The following NUDT3 variants were observed in gnomAD, a reference collection of about 807,000 sequenced individuals.
NUDT3 encodes diphosphoinositol polyphosphate phosphohydrolase 1.
In NUDT3, 9 loss-of-function variants were observed where a neutral mutation model predicts 23.6. That is an observed-to-expected ratio of 0.38 (90% confidence interval 0.23 to 0.66). The LOEUF is 0.66. Among genes scored for constraint, NUDT3 ranks in the 30% least tolerant of loss-of-function variants. NUDT3 has a pLI of 0.52. For synonymous variants in NUDT3, 86 were observed against 82.6 expected, an observed-to-expected ratio of 1.04 and a Z score of -0.22; for missense variants, 172 against 218.5, an observed-to-expected ratio of 0.79 and a Z score of 1.34.
intron 1 of NUDT3, among the ~76,000 whole-genome samples, chr6:34,369,393 C>T (rs1343186340): frequency 6.6e-6 from 1 of 152,148 alleles, no homozygotes; most frequent in African/African-American, 2.4e-5. Context: ...ATGAAATAAA[C>T]CAGTAGTTTT....
chr6:34,290,401 C>CTTT (rs952499361), intron 4 of NUDT3, among the ~76,000 whole-genome samples: 44 of 107,230 alleles, frequency 4.1e-4, no homozygotes, highest in South Asian at 6.7e-4. Context: ...GCTGCTGCTT[C>CTTT]TTTTTTTTTT....
chr6:34,336,469 C>T (rs943938100), intron 2 of NUDT3, among the ~76,000 whole-genome samples: 2 of 151,930 alleles, frequency 1.3e-5, no homozygotes, highest in Non-Finnish European at 2.9e-5. Flanking sequence ...GAATAGTAAT[C>T]CCTTGTTGAA....
rs981886086 is a variant in NUDT3, at chr6:34,283,210, T to A, written c.*5543A>T. On this transcript the variant is annotated 3_prime_UTR_variant, in exon 5 of 5. Transcript: ENST00000607016. ...GGATTCCCTTCCCTTTTCTTTTTTT[T>A]TTTTTTTTTTTTGAGACGGAGTCTT... 2 of 149,214 alleles carry A rather than the reference T, an allele frequency of 1.3e-5. No homozygotes were observed. The highest frequency in any genetic ancestry group is 3.0e-5 in the Non-Finnish European group (2 of 67,356). The allele number at this position is 149,214 out of a possible 1,614,324, so 9.2% of individuals were successfully genotyped here. A position where few individuals can be genotyped will look rare whatever the true frequency, so the allele number is the denominator to read the frequency against.
chr6:34,281,817 A>G lies in NUDT3; in HGVS notation c.*6936T>C, dbSNP rs1243529509. The G allele has an allele frequency of 6.6e-6, 1 of 152,214 alleles. No homozygotes were observed. Among genetic ancestry groups the G allele is most frequent in the African/African-American group, 2.4e-5 (1 of 41,454 alleles). 9.4% of individuals were successfully genotyped at this position (152,214 alleles called of 1,614,324 possible). A position where few individuals can be genotyped will look rare whatever the true frequency, so the allele number is the denominator to read the frequency against. ...AGAGTCCTCTTAGAAAATTCTGAGC[A>G]AACATGCTCCCAGTCACGAGGGATG... On this transcript the variant is annotated 3_prime_UTR_variant, in exon 5 of 5. Transcript: ENST00000607016.
chr6:34,368,916 G>C (rs933844771), intron 1 of NUDT3, among the ~76,000 whole-genome samples: 2 of 152,178 alleles, frequency 1.3e-5, no homozygotes, highest in Non-Finnish European at 2.9e-5. Flanking sequence ...GGGATTACAG[G>C]AGTGAGCCAC....
At chr6:34,324,857 GA>G (rs1234792971) in intron 2 of NUDT3, among the ~76,000 whole-genome samples, 1 of 150,324 alleles carries the variant, frequency 6.7e-6, no homozygotes, top group Non-Finnish European at 1.5e-5. Flanking sequence ...ACGCTTCTCT[GA>G]AAAGAGAGAG....
At position 34,341,730 on chromosome 6, in the gene NUDT3, G is replaced by A. The variant is rs577799618; in HGVS notation, c.210+132C>T. 13 of 678,300 alleles carry A rather than the reference G, an allele frequency of 1.9e-5. 1 individual carries two copies. In the South Asian group the frequency reaches 2.3e-4, roughly 12 times the overall value. The allele number at this position is 678,300 out of a possible 1,614,324, so 42.0% of individuals were successfully genotyped here. A position where few individuals can be genotyped will look rare whatever the true frequency, so the allele number is the denominator to read the frequency against. Reference sequence around the variant, plus strand: ...ATCACCCGGTAATAAAGGAGGGACCGGATAACCATTCATTGCCCTTTTTCT... The same window carrying A: ...ATCACCCGGTAATAAAGGAGGGACCAGATAACCATTCATTGCCCTTTTTCT... On this transcript the variant is annotated intron_variant, in intron 2 of 4. Transcript: ENST00000607016.
chr6:34,294,888 A>C (rs1480177665), intron 3 of NUDT3, among the ~76,000 whole-genome samples: 3 of 152,128 alleles, frequency 2.0e-5, no homozygotes, highest in Non-Finnish European at 4.4e-5. Context: ...CAGCTTCCCA[A>C]AACGCTGGGA....
chr6:34,363,822 G>C (rs557806307), intron 1 of NUDT3, among the ~76,000 whole-genome samples: 11 of 151,436 alleles, frequency 7.3e-5, no homozygotes, highest in Admixed American at 6.6e-4. Flanking sequence ...ACCCAGGCTG[G>C]AGTGCAGTAG....
At chr6:34,346,375 G>A (rs1256498802) in intron 1 of NUDT3, among the ~76,000 whole-genome samples, 2 of 152,170 alleles carry the variant, frequency 1.3e-5, no homozygotes, top group Non-Finnish European at 2.9e-5. Flanking sequence ...CCGGTAAAGT[G>A]TTTGCCAGCC....
chr6:34,306,516 T>C (rs2113705856), intron 2 of NUDT3, among the ~76,000 whole-genome samples: 1 of 152,378 alleles, frequency 6.6e-6, no homozygotes, highest in East Asian at 1.9e-4. Flanking sequence ...TATTTCCTAA[T>C]GACTAAAAAT....
intron 2 of NUDT3, among the ~76,000 whole-genome samples, chr6:34,322,573 TG>T (rs1166842240): frequency 2.0e-5 from 3 of 152,122 alleles, no homozygotes; most frequent in Non-Finnish European, 4.4e-5. Flanking sequence ...GACAGGCATA[TG>T]GGAAGAATGG....
At chr6:34,379,402 A>G (rs535557131) in intron 1 of NUDT3, among the ~76,000 whole-genome samples, 2 of 152,032 alleles carry the variant, frequency 1.3e-5, no homozygotes, top group Non-Finnish European at 2.9e-5. Context: ...TCCACTAAAA[A>G]TACAAAAATT....
At chr6:34,342,314 A>C (rs1028098813) in intron 1 of NUDT3, among the ~76,000 whole-genome samples, 1 of 147,318 alleles carries the variant, frequency 6.8e-6, no homozygotes, top group South Asian at 2.1e-4. Context: ...AAAAAAAAAA[A>C]GAGGATTGTC....
intron 1 of NUDT3, among the ~76,000 whole-genome samples, chr6:34,384,478 T>C (rs1190997426): frequency 6.6e-6 from 1 of 152,172 alleles, no homozygotes; most frequent in Non-Finnish European, 1.5e-5. Context: ...TTGTTGTATG[T>C]TCTGTATCAT....
chr6:34,353,509 C>A (rs1764510880), intron 1 of NUDT3, among the ~76,000 whole-genome samples: 1 of 149,282 alleles, frequency 6.7e-6, no homozygotes, highest in African/African-American at 2.5e-5. Flanking sequence ...TCAAACGATT[C>A]TCTTACCTCA....
intron 2 of NUDT3, among the ~76,000 whole-genome samples, chr6:34,309,558 G>A (rs1473158832): frequency 1.3e-5 from 2 of 151,844 alleles, no homozygotes; most frequent in African/African-American, 2.4e-5. Context: ...AGTTGAGAAA[G>A]AAAATCAATT....
At chr6:34,312,472 A>G (rs1763789026) in intron 2 of NUDT3, among the ~76,000 whole-genome samples, 1 of 152,154 alleles carries the variant, frequency 6.6e-6, no homozygotes, top group African/African-American at 2.4e-5. Flanking sequence ...GATGTGGAAC[A>G]ACAGGAACTC....
intron 2 of NUDT3, among the ~76,000 whole-genome samples, chr6:34,308,460 CAAAAAAAAAAAA>C (rs1183799403): frequency 4.9e-5 from 4 of 81,960 alleles, no homozygotes; most frequent in Non-Finnish European, 1.1e-4. Flanking sequence ...GATCGTCTCT[CAAAAAAAAAAAA>C]AAAAAATACT....
Sources: allele counts gnomAD v4.1 joint callset (sites outside exome capture counted in the v4.1 genomes callset), GRCh38; gene constraint gnomAD v4.1.1; transcripts MANE v1.5; gene names NCBI Gene and HGNC (gene_info 2026-07-23, HGNC 2026-07-21).